Variants in PAM observed in about 807,000 individuals in gnomAD.
PAM encodes the protein peptidylglycine alpha-amidating monooxygenase.
Under a neutral mutation model 122.1 loss-of-function variants are expected in PAM, and 72 were observed. That is an observed-to-expected ratio of 0.59 (90% CI 0.49 to 0.72). PAM has a LOEUF of 0.72. PAM is among the 30% of genes least tolerant of loss of function. The pLI is 0.00. For synonymous variants in PAM, 389 were observed against 404.4 expected, an observed-to-expected ratio of 0.96 and a Z score of 0.46; for missense variants, 1,106 against 1,183.7, an observed-to-expected ratio of 0.93 and a Z score of 0.96.
intron 24 of PAM, 78 bp from the exon 25 acceptor site, chr5:103,028,107 T>C (rs1785504200): frequency 9.2e-7 from 1 of 1,086,822 alleles, no homozygotes; most frequent in Non-Finnish European, 1.4e-6. Flanking sequence ...CAGTTCCTAT[T>C]TTAAGTTGGA....
intron 12 of PAM, among the ~76,000 whole-genome samples, chr5:102,956,099 A>G (rs1003034892): frequency 2.0e-5 from 3 of 152,082 alleles, no homozygotes; most frequent in Non-Finnish European, 4.4e-5. Context: ...TTTCCTTGTG[A>G]TAGCAAAGAT....
At chr5:103,007,723 T>C (rs1347496531) in intron 20 of PAM, 66 bp downstream of exon 20, 1 of 981,900 alleles carries the variant, frequency 1.0e-6, no homozygotes, top group Non-Finnish European at 1.6e-6. Flanking sequence ...AATTGTGTTA[T>C]CTTAATGTGC....
chr5:102,756,463 T>G (rs1348051896), intron 1 of PAM, among the ~76,000 whole-genome samples: 1 of 152,224 alleles, frequency 6.6e-6, no homozygotes, highest in Non-Finnish European at 1.5e-5. Context: ...TGTTTTACAT[T>G]CTTTACAATC....
intron 1 of PAM, among the ~76,000 whole-genome samples, chr5:102,778,839 GC>G (rs1282457639): frequency 6.6e-6 from 1 of 152,134 alleles, no homozygotes; most frequent in Non-Finnish European, 1.5e-5. Flanking sequence ...ATATGTAGAT[GC>G]TATACAGGTC....
intron 1 of PAM, among the ~76,000 whole-genome samples, chr5:102,861,732 A>G (rs1009850597): frequency 6.6e-6 from 1 of 152,216 alleles, no homozygotes. Context: ...AAGTTATACT[A>G]AAGTGTTTAG....
At chr5:102,934,046 C>T (rs1047723571) in intron 7 of PAM, among the ~76,000 whole-genome samples, 3 of 152,162 alleles carry the variant, frequency 2.0e-5, no homozygotes, top group South Asian at 2.1e-4. Context: ...TTACTCACTC[C>T]GCTGCGAAGT....
At chr5:103,015,707 T>C (rs1781784897) in intron 21 of PAM, among the ~76,000 whole-genome samples, 1 of 152,112 alleles carries the variant, frequency 6.6e-6, no homozygotes, top group Non-Finnish European at 1.5e-5. Flanking sequence ...GGCCCCAAAG[T>C]ACTGTATTTC....
intron 3 of PAM, among the ~76,000 whole-genome samples, chr5:102,884,264 A>G (rs879907669): frequency 2.6e-5 from 4 of 151,844 alleles, no homozygotes; most frequent in East Asian, 3.9e-4. Flanking sequence ...AGAAAAAACA[A>G]TATCACCAAC....
intron 23 of PAM, among the ~76,000 whole-genome samples, chr5:103,024,558 AAATT>A (rs1356112144): frequency 6.6e-6 from 1 of 152,182 alleles, no homozygotes; most frequent in African/African-American, 2.4e-5. Flanking sequence ...GAAATACCAA[AAATT>A]AATTGAACAT....
intron 15 of PAM, chr5:102,974,939 TTAAG>T (rs1332799597): frequency 6.6e-6 from 1 of 152,432 alleles, no homozygotes; most frequent in Non-Finnish European, 1.5e-5. Context: ...TTTTGATTTC[TTAAG>T]TTTCATTATA....
At chr5:102,875,718 C>T (rs557986421) in intron 3 of PAM, among the ~76,000 whole-genome samples, 2 of 152,162 alleles carry the variant, frequency 1.3e-5, no homozygotes, top group African/African-American at 4.8e-5. Context: ...GACTTGTGAG[C>T]CATATAGGTT....
intron 3 of PAM, among the ~76,000 whole-genome samples, chr5:102,869,214 G>A (rs1156466372): frequency 6.6e-6 from 1 of 152,176 alleles, no homozygotes; most frequent in Non-Finnish European, 1.5e-5. Flanking sequence ...GCAATGATTG[G>A]TTCAAAAGAA....
intron 4 of PAM, among the ~76,000 whole-genome samples, chr5:102,906,545 C>G (rs1466242296): frequency 6.6e-6 from 1 of 151,646 alleles, no homozygotes; most frequent in Non-Finnish European, 1.5e-5. Context: ...CCAGAACACT[C>G]CACATTCAGA....
intron 11 of PAM, 77 bp downstream of exon 11, chr5:102,950,055 A>G: frequency 1.3e-6 from 1 of 788,576 alleles, no homozygotes; most frequent in Non-Finnish European, 2.2e-6. Context: ...TTATTATGCA[A>G]CTCTTGTGAA....
chr5:103,025,865 A>G (rs1784804881), intron 24 of PAM, among the ~76,000 whole-genome samples: 1 of 152,218 alleles, frequency 6.6e-6, no homozygotes, highest in African/African-American at 2.4e-5. Flanking sequence ...AATAATGTAC[A>G]TAAGCATTTA....
At chr5:102,924,347 C>T (rs953795676) in intron 5 of PAM, among the ~76,000 whole-genome samples, 2 of 150,538 alleles carry the variant, frequency 1.3e-5, no homozygotes, top group African/African-American at 2.5e-5. Flanking sequence ...GCAGGAGAAT[C>T]GCTTGAACCC....
intron 3 of PAM, among the ~76,000 whole-genome samples, chr5:102,868,151 T>C (rs368570540): frequency 1.6e-4 from 24 of 152,374 alleles, no homozygotes; most frequent in African/African-American, 4.6e-4. Context: ...CATTAAAAGA[T>C]AGTCCTCTCC....
intron 1 of PAM, among the ~76,000 whole-genome samples, chr5:102,782,331 G>T (rs1001455447): frequency 6.6e-6 from 1 of 152,166 alleles, no homozygotes; most frequent in Non-Finnish European, 1.5e-5. Context: ...AAATTGAAAG[G>T]ATTATACAAA....
chr5:102,974,655 C>A, intron 15 of PAM: 1 of 383,404 alleles, frequency 2.6e-6, no homozygotes, highest in Non-Finnish European at 4.6e-6. Context: ...AGTGTCTGTT[C>A]TATTGGTGAG....
Sources: allele counts gnomAD v4.1 joint callset (sites outside exome capture counted in the v4.1 genomes callset), GRCh38; gene constraint gnomAD v4.1.1; transcripts MANE v1.5; gene names NCBI Gene and HGNC (gene_info 2026-07-23, HGNC 2026-07-21).